Variants in EBF1 observed in about 807,000 individuals in gnomAD.
The protein encoded by EBF1 is transcription factor COE1.
A neutral mutation model predicts 68.4 loss-of-function variants in EBF1; 10 were observed. The ratio of observed to expected loss-of-function variants is 0.15; its 90% CI spans 0.09 to 0.25. The LOEUF (loss-of-function observed/expected upper bound fraction) is 0.25, where lower values mean the gene tolerates loss of function less well. EBF1 is among the 10% of genes least tolerant of loss of function. EBF1 has a pLI of 1.00. For missense variants in EBF1, 509 were observed against 794.4 expected (o/e 0.64, Z 4.32); for synonymous variants, 298 against 299.8 (o/e 0.99, Z 0.06).
intron 6 of EBF1, among the ~76,000 whole-genome samples, chr5:158,937,820 G>A (rs1014404367): frequency 2.6e-5 from 4 of 152,192 alleles, no homozygotes; most frequent in African/African-American, 7.2e-5. Context: ...TCAATGACAC[G>A]TCAAGATGTA....
At chr5:158,898,788 A>T (rs1450158598) in intron 6 of EBF1, among the ~76,000 whole-genome samples, 2 of 152,206 alleles carry the variant, frequency 1.3e-5, no homozygotes, top group Non-Finnish European at 2.9e-5. Flanking sequence ...GTTGCCACAC[A>T]ATCCAACAGT....
At chr5:158,777,578 T>G in intron 9 of EBF1, 39 bp from the exon 10 acceptor site, 1 of 1,567,400 alleles carries the variant, frequency 6.4e-7, no homozygotes, top group Non-Finnish European at 8.7e-7. Flanking sequence ...GTCATTGCAA[T>G]AGTTAAAACT....
At chr5:159,084,807 T>C (rs930105613) in intron 4 of EBF1, 68 bp from the exon 5 acceptor site, 99 of 1,377,302 alleles carry the variant, frequency 7.2e-5, no homozygotes, top group Middle Eastern at 3.7e-4. Context: ...AAAATCACAA[T>C]TGAGTTCTTA....
At chr5:159,026,686 T>C (rs1414676688) in intron 6 of EBF1, among the ~76,000 whole-genome samples, 1 of 152,118 alleles carries the variant, frequency 6.6e-6, no homozygotes, top group African/African-American at 2.4e-5. Flanking sequence ...CAAATCAAAT[T>C]TTTATTTCCC....
At chr5:158,749,293 G>A (rs748670810) in intron 10 of EBF1, among the ~76,000 whole-genome samples, 3 of 152,110 alleles carry the variant, frequency 2.0e-5, no homozygotes, top group Non-Finnish European at 4.4e-5. Flanking sequence ...TTTTCTAATT[G>A]TCATTAAAAT....
chr5:158,910,521 T>A (rs1232616647), intron 6 of EBF1, among the ~76,000 whole-genome samples: 1 of 152,240 alleles, frequency 6.6e-6, no homozygotes, highest in Non-Finnish European at 1.5e-5. Context: ...AATTAGATCC[T>A]ATACTAAAGA....
chr5:159,067,512 A>G lies in EBF1; in HGVS notation c.554+5884T>C, dbSNP rs185646653. Among the ~76,000 whole-genome samples the G allele has an allele frequency of 1.1e-3, 175 of 152,352 alleles. 2 individuals carry two copies. The highest frequency in any genetic ancestry group is 1.6e-4 in the Non-Finnish European group (11 of 68,032). On this transcript the variant is annotated intron_variant, in intron 6 of 15. Transcript: ENST00000313708. ...ATACCATGTAAAAGTACTTTGCATT[A>G]TGATACATTGTCAGCGTATTCGAAA...
At chr5:158,714,286 C>T (rs1760131233) in intron 11 of EBF1, 104 bp from the exon 12 acceptor site, 4 of 1,358,922 alleles carry the variant, frequency 2.9e-6, no homozygotes, top group Non-Finnish European at 4.2e-6. Flanking sequence ...TGCCAAGGCA[C>T]TGCTATAAAG....
chr5:158,714,526 C>T (rs1054087214), intron 11 of EBF1, among the ~76,000 whole-genome samples: 4 of 152,094 alleles, frequency 2.6e-5, no homozygotes, highest in African/African-American at 7.2e-5. Flanking sequence ...GGTATGAATC[C>T]CTAAGATGTG....
intron 15 of EBF1, among the ~76,000 whole-genome samples, chr5:158,700,765 C>A (rs1756574874): frequency 6.6e-6 from 1 of 152,174 alleles, no homozygotes; most frequent in African/African-American, 2.4e-5. Context: ...CGTAAATCAT[C>A]CAAATGTTGT....
chr5:159,017,247 C>A (rs1765789792), intron 6 of EBF1, among the ~76,000 whole-genome samples: 1 of 152,190 alleles, frequency 6.6e-6, no homozygotes, highest in South Asian at 2.1e-4. Context: ...AGAAAGTTGA[C>A]AAACCAGCAA....
intron 6 of EBF1, among the ~76,000 whole-genome samples, chr5:158,937,676 G>A (rs1210282375): frequency 1.3e-5 from 2 of 152,182 alleles, no homozygotes; most frequent in East Asian, 1.9e-4. Flanking sequence ...GCTTCCCAAG[G>A]GAGGCAGTGG....
chr5:158,875,060 C>CAT (rs919052604), intron 6 of EBF1, among the ~76,000 whole-genome samples: 10 of 148,858 alleles, frequency 6.7e-5, no homozygotes, highest in African/African-American at 2.5e-4. Flanking sequence ...CACACATACA[C>CAT]ACACACACAC....
intron 14 of EBF1, among the ~76,000 whole-genome samples, chr5:158,709,910 C>A (rs576310248): frequency 2.0e-5 from 3 of 152,156 alleles, no homozygotes; most frequent in Non-Finnish European, 4.4e-5. Context: ...CAAATGTGAT[C>A]ATTATGTGTA....
chr5:158,759,220 G>A (rs4704956), intron 10 of EBF1, among the ~76,000 whole-genome samples: 10,903 of 152,212 alleles, frequency 0.072, 483 homozygotes, highest in Non-Finnish European at 0.088. Context: ...AAGCTATTTT[G>A]GGAGTTAGTC....
chr5:158,959,293 A>AT (rs11404732), intron 6 of EBF1, among the ~76,000 whole-genome samples: 51,536 of 144,638 alleles, frequency 0.36, 9,322 homozygotes, highest in South Asian at 0.6. Context: ...CTACTTAAGA[A>AT]TTTTTTTTTT....
At chr5:158,743,186 A>G (rs759382528) in intron 10 of EBF1, among the ~76,000 whole-genome samples, 5 of 152,240 alleles carry the variant, frequency 3.3e-5, no homozygotes, top group African/African-American at 4.8e-5. Context: ...GAAAAAATTA[A>G]TTCTCTGTAG....
chr5:158,759,622 C>A (rs1367671202), intron 10 of EBF1, among the ~76,000 whole-genome samples: 1 of 152,158 alleles, frequency 6.6e-6, no homozygotes, highest in Non-Finnish European at 1.5e-5. Flanking sequence ...GCTTACAGTG[C>A]TATCCATTTG....
intron 6 of EBF1, among the ~76,000 whole-genome samples, chr5:158,916,595 A>T (rs1807238849): frequency 6.6e-6 from 1 of 152,208 alleles, no homozygotes; most frequent in South Asian, 2.1e-4. Context: ...TTAAGTACCT[A>T]GTCCAAGCAA....
Sources: allele counts gnomAD v4.1 joint callset (sites outside exome capture counted in the v4.1 genomes callset), GRCh38; gene constraint gnomAD v4.1.1; transcripts MANE v1.5; gene names NCBI Gene and HGNC (gene_info 2026-07-23, HGNC 2026-07-21).